Variants in TAF11 observed in about 807,000 individuals in gnomAD.
TAF11 encodes transcription initiation factor TFIID subunit 11.
Under a neutral mutation model 23.0 loss-of-function variants are expected in TAF11, and 10 were observed. That is an observed-to-expected ratio of 0.43 (90% CI 0.27 to 0.74). TAF11 has a LOEUF of 0.74. Among genes scored for constraint, TAF11 ranks in the 30% least tolerant of loss-of-function variants. The pLI is 0.19. For synonymous variants in TAF11, 85 were observed against 95.8 expected (o/e 0.89, Z 0.66); for missense variants, 196 against 261.7 (o/e 0.75, Z 1.73).
chr6:34,886,421 C>T (rs1173638869), intron 1 of TAF11, among the ~76,000 whole-genome samples: 1 of 152,046 alleles, frequency 6.6e-6, no homozygotes, highest in Non-Finnish European at 1.5e-5. Context: ...AAAAAACCTG[C>T]CTTAAAATAC....
rs190912972 is a variant in TAF11 at position 34,879,797 on chromosome 6, C to T, written c.505+170G>A. 3 of 985,380 alleles carry T rather than the reference C, an allele frequency of 3.0e-6. No homozygotes were observed. The African/African-American group carries it at 5.2e-5, about 17-fold the overall frequency. The allele number at this position is 985,380 out of a possible 1,614,324, so 61.0% of individuals were successfully genotyped here. ...GGTTCCTTACCATCTGTTATTGAAACTTGCAAGGAATAACAGTCATGTTCT... is the reference window on the plus strand; with the variant it reads ...GGTTCCTTACCATCTGTTATTGAAATTTGCAAGGAATAACAGTCATGTTCT... On this transcript the variant is annotated intron_variant, in intron 4 of 4. Transcript: ENST00000361288.
At chr6:34,881,533 T>A (rs1369581936) in intron 2 of TAF11, among the ~76,000 whole-genome samples, 2 of 152,130 alleles carry the variant, frequency 1.3e-5, no homozygotes, top group Non-Finnish European at 2.9e-5. Context: ...AGATGTATAA[T>A]TAGTGACATG....
At chr6:34,882,386 G>A (rs927829690) in intron 2 of TAF11, among the ~76,000 whole-genome samples, 1 of 151,698 alleles carries the variant, frequency 6.6e-6, no homozygotes, top group Non-Finnish European at 1.5e-5. Context: ...GCTCATGCCT[G>A]TAATCCTAGC....
At position 34,880,629 on chromosome 6, in the gene TAF11, T is replaced by C. The variant is rs1047278935; in HGVS notation, c.321-253A>G. 6.6e-6 allele frequency among the ~76,000 whole-genome samples: 1 copy of C among 151,152 alleles called. No individual in the cohort carries two copies. Among genetic ancestry groups the C allele is most frequent in the African/African-American group, 2.5e-5 (1 of 40,444 alleles). On this transcript the variant is annotated intron_variant, in intron 2 of 4. Transcript: ENST00000361288. This position sits in a 1 kb window ranked among gnomAD's most constrained non-coding sequence, Gnocchi z 4.8. ...GGTCACTGTATCGTACTACACAGAC[T>C]GTTTGCAGCATTAGACACTATCTCC...
intron 1 of TAF11, among the ~76,000 whole-genome samples, chr6:34,886,163 A>G (rs1766521484): frequency 6.6e-6 from 1 of 151,648 alleles, no homozygotes; most frequent in Non-Finnish European, 1.5e-5. Context: ...ACTTTAGATG[A>G]GCGTGGTGCA....
In TAF11 at chr6:34,880,119, C is replaced by T. The variant is rs1312994865; in HGVS notation, c.409-56G>A. ...CAATAGTCAAAGACTGGCTTTGGAA[C>T]ACAGTACCAAGTAATTCACAGAAAA... On this transcript the variant is annotated intron_variant, in intron 3 of 4. Transcript: ENST00000361288. The surrounding 1 kb of genome is among the most constrained non-coding windows in gnomAD (Gnocchi z 4.8). 6.3e-7 allele frequency: 1 copy of T among 1,575,856 alleles called. No homozygotes were observed. Among genetic ancestry groups the T allele is most frequent in the Non-Finnish European group, 8.7e-7 (1 of 1,146,904 alleles).
rs1317193965 is a variant in TAF11 at position 34,880,476 on chromosome 6, A to G, written c.321-100T>C. ...TCAGACAATTCAAAAACGAATTCTTAAAGGGGTCAATGGCATTAGGCTTGG... is the reference window on the plus strand; with the variant it reads ...TCAGACAATTCAAAAACGAATTCTTGAAGGGGTCAATGGCATTAGGCTTGG... On this transcript the variant is annotated intron_variant, in intron 2 of 4. Coordinates refer to ENST00000361288, the MANE Select transcript of TAF11 (RefSeq NM_005643.4). The surrounding 1 kb of genome is among the most constrained non-coding windows in gnomAD (Gnocchi z 4.8). 4.6e-6 allele frequency: 5 copies of G among 1,085,114 alleles called. No individual in the cohort carries two copies. In the Admixed American group the frequency reaches 1.0e-4, roughly 23 times the overall value. The allele number at this position is 1,085,114 out of a possible 1,614,324, so 67.2% of individuals were successfully genotyped here. A position where few individuals can be genotyped will look rare whatever the true frequency, so the allele number is the denominator to read the frequency against.
Position 34,882,901 on chromosome 6 carries a change from C to T in TAF11, c.320+31G>A, listed in dbSNP as rs777800506. 132 of 1,566,624 alleles carry T rather than the reference C, an allele frequency of 8.4e-5. 3 individuals are homozygous for T. The South Asian group carries it at 1.1e-3, about 14-fold the overall frequency. On this transcript the variant is annotated intron_variant, in intron 2 of 4. Coordinates refer to ENST00000361288, the MANE Select transcript of TAF11 (RefSeq NM_005643.4). ...AATTTGTGTGGTCAAGTGAGAGCCT[C>T]GAAATGGGGAATGATAAGAAAGTGA...
At chr6:34,886,416 A>AAAG (rs1766526664) in intron 1 of TAF11, among the ~76,000 whole-genome samples, 3 of 151,520 alleles carry the variant, frequency 2.0e-5, no homozygotes, top group Admixed American at 1.3e-4. Context: ...CAAACAAAAA[A>AAAG]CCTGCCTTAA....
intron 2 of TAF11, among the ~76,000 whole-genome samples, chr6:34,881,578 CTACAAAACAG>C (rs1242439640): frequency 6.6e-6 from 1 of 151,782 alleles, no homozygotes; most frequent in Admixed American, 6.6e-5. Context: ...GAAAAATAGG[CTACAAAACAG>C]TATTTGACAT....
chr6:34,887,870 CCCCCGGGT>C lies in TAF11; in HGVS notation c.80_87del (p.Asp27GlyfsTer12), dbSNP rs1249252054. 1 of 1,614,066 alleles carries C rather than the reference CCCCCGGGT, an allele frequency of 6.2e-7. No homozygotes were observed. The highest frequency in any genetic ancestry group is 1.3e-5 in the African/African-American group (1 of 74,938). ...TCTGGGATTCCATCGGTGTCGGTAG[CCCCCGGGT>C]CCCCGGGCACAGCGGCCGTCTCATC... On this transcript the variant is annotated frameshift_variant, in exon 1 of 5. Transcript: ENST00000361288. LOFTEE classifies it high-confidence loss of function.
At position 34,878,452 on chromosome 6, in the gene TAF11, G is replaced by A; in HGVS notation, c.*138C>T. On this transcript the variant is annotated 3_prime_UTR_variant, in exon 5 of 5. Coordinates refer to ENST00000361288, the MANE Select transcript of TAF11 (RefSeq NM_005643.4). The stretch of plus-strand genomic sequence containing the variant: ...TACTTTCTAGGTGTGACAAATATCA[G>A]AGTTTTGAGAAAGACATTAAAATCA... 1 of 668,310 alleles carries A rather than the reference G, an allele frequency of 1.5e-6. No homozygotes were observed. Among genetic ancestry groups the A allele is most frequent in the Non-Finnish European group, 2.7e-6 (1 of 373,188 alleles). The allele number at this position is 668,310 out of a possible 1,614,324, so 41.4% of individuals were successfully genotyped here.
At chr6:34,884,443 G>A (rs1766496439) in intron 1 of TAF11, among the ~76,000 whole-genome samples, 1 of 150,990 alleles carries the variant, frequency 6.6e-6, no homozygotes, top group South Asian at 2.1e-4. Context: ...GATGAAGGGT[G>A]GCAGGAGGGA....
chr6:34,888,020 C>T lies in TAF11; in HGVS notation c.-63G>A. ...TGCCTGAGGCAGAAGCTCGGAAACC[C>T]GAGCTGCACAGGCCAGGATCTTACT... On this transcript the variant is annotated 5_prime_UTR_variant, in exon 1 of 5. Transcript: ENST00000361288. 1.2e-6 allele frequency: 2 copies of T among 1,603,584 alleles called. No individual in the cohort carries two copies. The highest frequency in any genetic ancestry group is 1.7e-5 in the Admixed American group (1 of 59,266).
At position 34,887,996 on chromosome 6, in the gene TAF11, G is replaced by A. The variant is rs748301655; in HGVS notation, c.-39C>T. 13 of 1,610,830 alleles carry A rather than the reference G, an allele frequency of 8.1e-6. No individual in the cohort carries two copies. The highest frequency in any genetic ancestry group is 5.5e-5 in the South Asian group (5 of 91,024). ...GGAGGGGAGAGGAGATCGCGGAGATGCCTGAGGCAGAAGCTCGGAAACCCG... is the reference window on the plus strand; with the variant it reads ...GGAGGGGAGAGGAGATCGCGGAGATACCTGAGGCAGAAGCTCGGAAACCCG... On this transcript the variant is annotated 5_prime_UTR_variant, in exon 1 of 5. Transcript: ENST00000361288.
At chr6:34,878,767 C>T in intron 4 of TAF11, 47 bp from the exon 5 acceptor site, 1 of 1,512,400 alleles carries the variant, frequency 6.6e-7, no homozygotes, top group Non-Finnish European at 9.2e-7. Context: ...CAATAATTTA[C>T]TAATCACATA....
At chr6:34,885,912 G>C (rs529513440) in intron 1 of TAF11, among the ~76,000 whole-genome samples, 72 of 152,314 alleles carry the variant, frequency 4.7e-4, no homozygotes, top group African/African-American at 1.7e-3. Flanking sequence ...ATGAGGTCAG[G>C]AGTTCAAGAC....
rs1243071625 is a variant in TAF11 at position 34,878,455 on chromosome 6, T to G, written c.*135A>C. On this transcript the variant is annotated 3_prime_UTR_variant, in exon 5 of 5. Coordinates refer to ENST00000361288, the MANE Select transcript of TAF11 (RefSeq NM_005643.4). The stretch of plus-strand genomic sequence containing the variant: ...TTTCTAGGTGTGACAAATATCAGAG[T>G]TTTGAGAAAGACATTAAAATCATCA... The G allele has an allele frequency of 1.5e-6, 1 of 668,846 alleles. No homozygotes were observed. The highest frequency in any genetic ancestry group is 1.8e-5 in the South Asian group (1 of 55,612). The allele number at this position is 668,846 out of a possible 1,614,324, so 41.4% of individuals were successfully genotyped here. A position where few individuals can be genotyped will look rare whatever the true frequency, so the allele number is the denominator to read the frequency against.
intron 1 of TAF11, among the ~76,000 whole-genome samples, chr6:34,883,562 A>G (rs1766482568): frequency 6.6e-6 from 1 of 152,206 alleles, no homozygotes; most frequent in African/African-American, 2.4e-5. Flanking sequence ...GGGACTTTCA[A>G]GTGAGCTTCT....
Sources: gnomAD v4.1 joint callset for allele counts (sites outside exome capture counted in the v4.1 genomes callset) on GRCh38, gnomAD v4.1.1 for gene constraint, Gnocchi (gnomAD v3.1) non-coding constraint, MANE v1.5 for transcripts, NCBI Gene and HGNC (gene_info 2026-07-23, HGNC 2026-07-21) for gene names.